The following CADM2 variants were observed in gnomAD, a reference collection of about 807,000 sequenced individuals.
CADM2 encodes cell adhesion molecule 2, also known as immunoglobulin superfamily member 4D.
Under a neutral mutation model 49.8 loss-of-function variants are expected in CADM2, and 12 were observed. The ratio of observed to expected loss-of-function variants is 0.24; its 90% confidence interval spans 0.15 to 0.39. The LOEUF is 0.39. Among genes scored for constraint, CADM2 ranks in the 10% least tolerant of loss-of-function variants. CADM2 has a pLI of 1.00. For missense variants in CADM2, 378 were observed against 492.3 expected (o/e 0.77, Z 2.20); for synonymous variants, 214 against 175.4 (o/e 1.22, Z -1.74).
intron 8 of CADM2, chr3:86,014,461 T>C (rs1731957298): frequency 6.7e-7 from 1 of 1,497,778 alleles, no homozygotes; most frequent in Admixed American, 2.2e-5. Context: ...GCCACAAATT[T>C]GGTAACCAAA....
intron 1 of CADM2, among the ~76,000 whole-genome samples, chr3:85,291,119 G>A (rs1237359739): frequency 6.6e-6 from 1 of 152,106 alleles, no homozygotes; most frequent in Non-Finnish European, 1.5e-5. Context: ...GAAAACCAAG[G>A]CTCGAGAACT....
chr3:85,037,740 C>T (rs774495664), intron 1 of CADM2, among the ~76,000 whole-genome samples: 89 of 152,144 alleles, frequency 5.8e-4, no homozygotes, highest in Non-Finnish European at 1.8e-4. Context: ...AAAAACTTGG[C>T]TACTTAACAA....
At position 85,726,519 on chromosome 3, in the gene CADM2, CA is replaced by C; in HGVS notation, c.62-2del. The C allele has an allele frequency of 6.2e-7, 1 of 1,612,350 alleles. No homozygotes were observed. ...TTCTTGTGCAACCTTTCCTTGGTAC[CA>C]GCGGCTGCTTCAAAGAATAAAGTTA... is the stretch of plus-strand genomic sequence containing the variant. On this transcript the variant is annotated splice_acceptor_variant, in intron 1 of 9. Coordinates refer to ENST00000383699, the MANE Select transcript of CADM2 (RefSeq NM_001167675.2). LOFTEE classifies it high-confidence loss of function.
At chr3:85,553,635 G>A (rs541580167) in intron 1 of CADM2, among the ~76,000 whole-genome samples, 1 of 152,168 alleles carries the variant, frequency 6.6e-6, no homozygotes, top group Non-Finnish European at 1.5e-5. Flanking sequence ...ACTCCAGGAA[G>A]AGTATTTTTG....
At chr3:85,415,034 A>G (rs561864327) in intron 1 of CADM2, among the ~76,000 whole-genome samples, 1 of 152,324 alleles carries the variant, frequency 6.6e-6, no homozygotes, top group African/African-American at 2.4e-5. Flanking sequence ...TCATGTGACC[A>G]GGAAGTTTGG....
intron 1 of CADM2, among the ~76,000 whole-genome samples, chr3:85,520,461 A>G (rs1476687063): frequency 2.0e-5 from 3 of 152,030 alleles, no homozygotes; most frequent in Non-Finnish European, 4.4e-5. Context: ...ATAACTACTA[A>G]GAAGGAAAAT....
intron 1 of CADM2, among the ~76,000 whole-genome samples, chr3:85,189,010 A>C (rs1404613196): frequency 6.6e-6 from 1 of 151,656 alleles, no homozygotes; most frequent in African/African-American, 2.4e-5. Context: ...CAGCCTGGGC[A>C]ACAGATTGTG....
At chr3:86,065,017 C>T (rs762326137) in intron 8 of CADM2, among the ~76,000 whole-genome samples, 1 of 152,148 alleles carries the variant, frequency 6.6e-6, no homozygotes, top group Non-Finnish European at 1.5e-5. Context: ...ATCGCTTCCT[C>T]TCTGAATGTT....
chr3:85,102,512 T>C (rs769191885), intron 1 of CADM2, among the ~76,000 whole-genome samples: 4 of 152,118 alleles, frequency 2.6e-5, no homozygotes, highest in Non-Finnish European at 5.9e-5. Context: ...TAGTGTATAA[T>C]TGGGAAACAA....
intron 1 of CADM2, among the ~76,000 whole-genome samples, chr3:85,260,570 T>C (rs17022646): frequency 0.068 from 10,340 of 152,202 alleles, 1,151 homozygotes; most frequent in African/African-American, 0.23. Context: ...GAGTACTCCA[T>C]GAAATACATG....
At chr3:85,878,555 TG>T (rs1712260992) in intron 3 of CADM2, among the ~76,000 whole-genome samples, 1 of 152,100 alleles carries the variant, frequency 6.6e-6, no homozygotes, top group Non-Finnish European at 1.5e-5. Context: ...TAGATGTATT[TG>T]AAGTCACATT....
At chr3:85,735,262 T>G (rs987958761) in intron 2 of CADM2, among the ~76,000 whole-genome samples, 2 of 152,032 alleles carry the variant, frequency 1.3e-5, no homozygotes, top group Non-Finnish European at 2.9e-5. Flanking sequence ...AAAGTGGACA[T>G]TTGAACAGAA....
intron 2 of CADM2, among the ~76,000 whole-genome samples, chr3:85,770,142 A>G (rs940513968): frequency 1.3e-5 from 2 of 152,124 alleles, no homozygotes; most frequent in African/African-American, 4.8e-5. Context: ...TCTAGGCTTC[A>G]GTGTTCTTAT....
intron 1 of CADM2, among the ~76,000 whole-genome samples, chr3:85,667,498 A>AT (rs1332944648): frequency 6.6e-6 from 1 of 152,018 alleles, no homozygotes; most frequent in Non-Finnish European, 1.5e-5. Flanking sequence ...CATATTAGCC[A>AT]TTGCAGCTTG....
chr3:85,115,979 A>G (rs1002442127), intron 1 of CADM2, among the ~76,000 whole-genome samples: 1 of 152,222 alleles, frequency 6.6e-6, no homozygotes, highest in African/African-American at 2.4e-5. Flanking sequence ...TCATGATTTT[A>G]TCTTCATTAG....
chr3:85,421,543 T>C (rs2036172930), intron 1 of CADM2, among the ~76,000 whole-genome samples: 1 of 152,206 alleles, frequency 6.6e-6, no homozygotes, highest in African/African-American at 2.4e-5. Flanking sequence ...ATTATTCTTT[T>C]GTGGTAAGTT....
intron 1 of CADM2, among the ~76,000 whole-genome samples, chr3:85,027,544 A>T (rs1576065469): frequency 6.6e-6 from 1 of 152,062 alleles, no homozygotes; most frequent in African/African-American, 2.4e-5. Flanking sequence ...TACCACTTTT[A>T]TATTTCATAG....
intron 1 of CADM2, among the ~76,000 whole-genome samples, chr3:85,422,312 C>T (rs2036208338): frequency 1.3e-5 from 2 of 152,132 alleles, no homozygotes; most frequent in South Asian, 2.1e-4. Flanking sequence ...GACAGAGTCT[C>T]TGTCGCCCAG....
At chr3:85,427,192 A>T (rs1046729947) in intron 1 of CADM2, among the ~76,000 whole-genome samples, 1 of 107,760 alleles carries the variant, frequency 9.3e-6, no homozygotes, top group African/African-American at 2.8e-5. Context: ...ATATATATAT[A>T]TATATATATG....
Sources: gnomAD v4.1 joint callset for allele counts (sites outside exome capture counted in the v4.1 genomes callset) on GRCh38, gnomAD v4.1.1 for gene constraint, MANE v1.5 for transcripts, NCBI Gene and HGNC (gene_info 2026-07-23, HGNC 2026-07-21) for gene names.